The following KIRREL1 variants were observed in gnomAD, a reference collection of about 807,000 sequenced individuals.
The protein encoded by KIRREL1 is kin of IRRE-like protein 1.
KIRREL1 carries 25 observed loss-of-function variants against 83.3 expected under a neutral mutation model. That is an observed-to-expected ratio of 0.30 (90% CI 0.22 to 0.42). The LOEUF (loss-of-function observed/expected upper bound fraction) is 0.42, where lower values mean the gene tolerates loss of function less well. KIRREL1 is among the 10% of genes least tolerant of loss of function. KIRREL1 has a pLI of 1.00. For synonymous variants in KIRREL1, 388 were observed against 410.4 expected, an observed-to-expected ratio of 0.95 and a Z score of 0.66; for missense variants, 812 against 1,032.3, an observed-to-expected ratio of 0.79 and a Z score of 2.92.
intron 11 of KIRREL1, among the ~76,000 whole-genome samples, chr1:158,092,724 G>A (rs1024735537): frequency 5.9e-5 from 9 of 152,112 alleles, no homozygotes; most frequent in Admixed American, 4.6e-4. Flanking sequence ...AGTAACGTGG[G>A]GCTCCACAGG....
intron 1 of KIRREL1, among the ~76,000 whole-genome samples, chr1:158,021,533 G>C (rs6666443): frequency 0.79 from 120,127 of 152,190 alleles, 49,100 homozygotes; most frequent in Non-Finnish European, 0.89. Flanking sequence ...TGTGGAAGTT[G>C]GGCTAGGTAA....
intron 11 of KIRREL1, 129 bp downstream of exon 11, chr1:158,091,685 G>A: frequency 1.2e-6 from 1 of 852,666 alleles, no homozygotes; most frequent in Non-Finnish European, 1.8e-6. Flanking sequence ...GGGACACACA[G>A]AGGGATGTCC....
rs1454928880 is a variant in KIRREL1, at chr1:158,095,279, C to T, written c.*159C>T. The T allele has an allele frequency of 4.9e-6, 3 of 617,390 alleles. No homozygotes were observed. In the East Asian group the frequency reaches 8.3e-5, roughly 17 times the overall value. The allele number at this position is 617,390 out of a possible 1,614,324, so 38.2% of individuals were successfully genotyped here. A position where few individuals can be genotyped will look rare whatever the true frequency, so the allele number is the denominator to read the frequency against. On this transcript the variant is annotated 3_prime_UTR_variant, in exon 15 of 15. Coordinates refer to ENST00000359209, the MANE Select transcript of KIRREL1 (RefSeq NM_018240.7). ...AGCAGGTCTCCCAGAAACACCCCGT[C>T]CCGAGGATGGTGCTCTGTGCATGCC...
intron 1 of KIRREL1, among the ~76,000 whole-genome samples, chr1:158,044,069 A>T (rs1660711140): frequency 6.6e-6 from 1 of 152,216 alleles, no homozygotes; most frequent in Non-Finnish European, 1.5e-5. Flanking sequence ...TTTAGATGTG[A>T]ACTGGATGCC....
intron 1 of KIRREL1, among the ~76,000 whole-genome samples, chr1:158,013,441 A>G (rs1659742634): frequency 6.6e-6 from 1 of 151,768 alleles, no homozygotes; most frequent in Non-Finnish European, 1.5e-5. Context: ...ATAAAAGCAG[A>G]CTCCTTGTGA....
At chr1:158,072,971 C>A (rs1189453223) in intron 1 of KIRREL1, among the ~76,000 whole-genome samples, 1 of 152,074 alleles carries the variant, frequency 6.6e-6, no homozygotes, top group Non-Finnish European at 1.5e-5. Flanking sequence ...CACTAAAAAC[C>A]CAGGACAAGT....
intron 1 of KIRREL1, among the ~76,000 whole-genome samples, chr1:158,002,970 ATCTCC>A (rs1315340424): frequency 2.6e-5 from 4 of 151,966 alleles, no homozygotes; most frequent in Admixed American, 1.3e-4. Context: ...CCCAAATCGA[ATCTCC>A]CAACCTCTTG....
intron 8 of KIRREL1, among the ~76,000 whole-genome samples, chr1:158,089,019 G>A (rs2101641024): frequency 6.6e-6 from 1 of 152,166 alleles, no homozygotes; most frequent in East Asian, 1.9e-4. Flanking sequence ...GAGAGGGCCT[G>A]GGGCGGGCCT....
intron 1 of KIRREL1, among the ~76,000 whole-genome samples, chr1:158,053,085 C>T (rs1660952114): frequency 6.6e-6 from 1 of 152,214 alleles, no homozygotes; most frequent in Non-Finnish European, 1.5e-5. Context: ...CTACCTCCAA[C>T]AATGGGGATC....
intron 1 of KIRREL1, among the ~76,000 whole-genome samples, chr1:158,008,953 C>A (rs1659596833): frequency 6.6e-6 from 1 of 151,996 alleles, no homozygotes; most frequent in Admixed American, 6.5e-5. Flanking sequence ...TGGGCCCTCC[C>A]CTCTGGACCC....
chr1:157,997,644 G>GGA (rs1380492264), intron 1 of KIRREL1, among the ~76,000 whole-genome samples: 3 of 152,172 alleles, frequency 2.0e-5, no homozygotes, highest in Admixed American at 2.0e-4. Context: ...AGGGATTTGA[G>GGA]GAGAGAGAGC....
chr1:158,001,782 G>A (rs954665679), intron 1 of KIRREL1, among the ~76,000 whole-genome samples: 7 of 152,170 alleles, frequency 4.6e-5, no homozygotes, highest in African/African-American at 1.4e-4. Context: ...AGAAACAGAT[G>A]AGATGATCCA....
chr1:157,995,099 G>A (rs1413942424), intron 1 of KIRREL1, among the ~76,000 whole-genome samples: 1 of 152,226 alleles, frequency 6.6e-6, no homozygotes, highest in East Asian at 1.9e-4. Context: ...ATGGATCTGG[G>A]TAGAACAGCC....
intron 1 of KIRREL1, among the ~76,000 whole-genome samples, chr1:158,057,922 T>C (rs1387652646): frequency 6.6e-6 from 1 of 152,176 alleles, no homozygotes; most frequent in Non-Finnish European, 1.5e-5. Flanking sequence ...CTAACCTTCT[T>C]TGATGACACT....
At chr1:158,068,279 G>A (rs1056959232) in intron 1 of KIRREL1, among the ~76,000 whole-genome samples, 3 of 152,080 alleles carry the variant, frequency 2.0e-5, no homozygotes, top group Admixed American at 6.5e-5. Context: ...CTCTCTCTTC[G>A]TCTGATGTCC....
chr1:158,031,779 A>G (rs1660333214), intron 1 of KIRREL1, among the ~76,000 whole-genome samples: 1 of 152,310 alleles, frequency 6.6e-6, no homozygotes, highest in South Asian at 2.1e-4. Flanking sequence ...AAGATTGAAA[A>G]GTCTTCTAAA....
chr1:158,021,577 G>A (rs1428373373), intron 1 of KIRREL1, among the ~76,000 whole-genome samples: 2 of 152,194 alleles, frequency 1.3e-5, no homozygotes, highest in African/African-American at 4.8e-5. Context: ...AACTCTATGT[G>A]TAAGTCTGTA....
At chr1:158,092,345 C>CTTTTTTTTTTTTT (rs11430850) in intron 11 of KIRREL1, among the ~76,000 whole-genome samples, 2 of 110,922 alleles carry the variant, frequency 1.8e-5, no homozygotes, top group African/African-American at 3.5e-5. Context: ...TCACTTCAGT[C>CTTTTTTTTTTTTT]TTTTTTTTTT....
At chr1:158,026,881 C>T (rs1487657159) in intron 1 of KIRREL1, among the ~76,000 whole-genome samples, 1 of 152,170 alleles carries the variant, frequency 6.6e-6, no homozygotes, top group Non-Finnish European at 1.5e-5. Context: ...CCACCCCCTA[C>T]AACAGTCAAC....
Sources: gnomAD v4.1 joint callset for allele counts (sites outside exome capture counted in the v4.1 genomes callset) on GRCh38, gnomAD v4.1.1 for gene constraint, MANE v1.5 for transcripts, NCBI Gene and HGNC (gene_info 2026-07-23, HGNC 2026-07-21) for gene names.